The following EXT1 variants were observed in gnomAD, a reference collection of about 807,000 sequenced individuals.
EXT1 encodes exostosin glycosyltransferase 1, also known as exostosin-1.
In EXT1, 20 loss-of-function variants were observed where a neutral mutation model predicts 82.5. The ratio of observed to expected loss-of-function variants is 0.24; its 90% CI spans 0.17 to 0.35. The LOEUF is 0.35. EXT1 is among the 10% of genes least tolerant of loss of function. The pLI, the probability that EXT1 is intolerant of heterozygous loss-of-function variation, is 1.00. For synonymous variants in EXT1, 348 were observed against 350.8 expected (o/e 0.99, Z 0.09); for missense variants, 757 against 936.5 (o/e 0.81, Z 2.50).
At chr8:117,908,929 GC>G (rs1554585145) in intron 1 of EXT1, among the ~76,000 whole-genome samples, 1 of 151,892 alleles carries the variant, frequency 6.6e-6, no homozygotes, top group Non-Finnish European at 1.5e-5. Flanking sequence ...TTCAAAACCA[GC>G]CTGGGCAACA....
Position 117,802,608 on chromosome 8 carries a change from A to C in EXT1, c.2055+2114T>G, listed in dbSNP as rs139469394. Among the ~76,000 whole-genome samples the C allele has an allele frequency of 3.2e-4, 48 of 152,340 alleles. No homozygotes were observed. In the East Asian group the frequency reaches 8.1e-3, roughly 26 times the overall value. On this transcript the variant is annotated intron_variant, in intron 10 of 10. Coordinates refer to ENST00000378204, the MANE Select transcript of EXT1 (RefSeq NM_000127.3). ...TAGGGCTGTGTAAGTACACTTGATA[A>C]TGTTTGGATAATGACAAGATCACCA... is the stretch of plus-strand genomic sequence containing the variant.
chr8:117,906,108 G>A (rs1051762234), intron 1 of EXT1, among the ~76,000 whole-genome samples: 3 of 152,136 alleles, frequency 2.0e-5, no homozygotes, highest in Non-Finnish European at 4.4e-5. Context: ...TCTTGGCTTG[G>A]TATTCTATCC....
rs527775533 is a variant in EXT1 at position 118,070,831 on chromosome 8, G to A, written c.962+39254C>T. Among the ~76,000 whole-genome samples the A allele has an allele frequency of 3.7e-4, 57 of 152,236 alleles. 1 individual carries two copies. Among genetic ancestry groups the A allele is most frequent in the South Asian group, 2.3e-3 (11 of 4,820 alleles). On this transcript the variant is annotated intron_variant, in intron 1 of 10. Coordinates refer to ENST00000378204, the MANE Select transcript of EXT1 (RefSeq NM_000127.3). ...GTAACTGTTCCCTCCATCCTGGCTA[G>A]AAAAGGGATCTCAAGAGGTATGAGC...
intron 9 of EXT1, among the ~76,000 whole-genome samples, chr8:117,805,964 T>C (rs1367380593): frequency 6.6e-6 from 1 of 152,224 alleles, no homozygotes; most frequent in African/African-American, 2.4e-5. Flanking sequence ...TTTTCCCTCA[T>C]ACTTGTTCCA....
chr8:118,003,110 A>G (rs1308999024), intron 1 of EXT1, among the ~76,000 whole-genome samples: 2 of 152,224 alleles, frequency 1.3e-5, no homozygotes, highest in Non-Finnish European at 1.5e-5. Flanking sequence ...AGGAACCTGG[A>G]TGAAATTGGA....
intron 1 of EXT1, among the ~76,000 whole-genome samples, chr8:117,910,607 G>C (rs1318852327): frequency 1.3e-5 from 2 of 152,182 alleles, no homozygotes; most frequent in African/African-American, 2.4e-5. Context: ...GAGTCAACTG[G>C]GAAAAGGGAA....
At chr8:118,089,301 T>G (rs980833004) in intron 1 of EXT1, among the ~76,000 whole-genome samples, 2 of 152,062 alleles carry the variant, frequency 1.3e-5, no homozygotes, top group Non-Finnish European at 2.9e-5. Context: ...TAATCAAGAG[T>G]GAAATGCCAA....
chr8:118,055,327 T>C (rs1816778579), intron 1 of EXT1, among the ~76,000 whole-genome samples: 1 of 152,234 alleles, frequency 6.6e-6, no homozygotes, highest in Admixed American at 6.5e-5. Flanking sequence ...TGTTCTCTTT[T>C]ATTGCTGAAT....
chr8:117,895,953 C>G (rs7842361), intron 1 of EXT1, among the ~76,000 whole-genome samples: 1 of 152,152 alleles, frequency 6.6e-6, no homozygotes, highest in African/African-American at 2.4e-5. Flanking sequence ...CATTGGCCTA[C>G]CTGATTTACA....
chr8:118,108,425 A>AT (rs1235501886), intron 1 of EXT1, among the ~76,000 whole-genome samples: 4 of 152,164 alleles, frequency 2.6e-5, no homozygotes, highest in African/African-American at 7.2e-5. Context: ...GGCTATAAGC[A>AT]TTTTTTTCTT....
Position 118,005,193 on chromosome 8 carries a change from CT to C in EXT1, c.962+104891del, listed in dbSNP as rs1430032245. ...GCCCAGCCTCAGAGACCATCACATG[CT>C]TAATGATGCTTCTCATGACTGACAG... On this transcript the variant is annotated intron_variant, in intron 1 of 10. Transcript: ENST00000378204. 1.9e-4 allele frequency among the ~76,000 whole-genome samples: 29 copies of C among 152,200 alleles called. 1 individual carries two copies. The highest frequency in any genetic ancestry group is 1.2e-4 in the Non-Finnish European group (8 of 68,042).
intron 1 of EXT1, among the ~76,000 whole-genome samples, chr8:117,934,799 G>A (rs907018838): frequency 9.2e-5 from 14 of 152,108 alleles, no homozygotes; most frequent in African/African-American, 1.4e-4. Context: ...TTTTATGTAC[G>A]TATTTTTTTT....
At chr8:117,957,092 T>C (rs570248792) in intron 1 of EXT1, among the ~76,000 whole-genome samples, 1 of 152,214 alleles carries the variant, frequency 6.6e-6, no homozygotes, top group Non-Finnish European at 1.5e-5. Flanking sequence ...CTCTTTGCTT[T>C]GTGTCTTGGC....
At chr8:117,980,617 A>G (rs1247228258) in intron 1 of EXT1, among the ~76,000 whole-genome samples, 2 of 149,850 alleles carry the variant, frequency 1.3e-5, no homozygotes, top group Non-Finnish European at 3.0e-5. Flanking sequence ...TCTCATTACC[A>G]TCTGGGTTCT....
intron 1 of EXT1, among the ~76,000 whole-genome samples, chr8:117,906,016 G>A (rs1312111684): frequency 6.6e-6 from 1 of 152,100 alleles, no homozygotes; most frequent in Non-Finnish European, 1.5e-5. Context: ...TCTTTAAAAA[G>A]GCTACACTTC....
intron 1 of EXT1, among the ~76,000 whole-genome samples, chr8:118,022,538 A>G (rs974924437): frequency 4.0e-5 from 6 of 151,112 alleles, no homozygotes; most frequent in Non-Finnish European, 7.4e-5. Flanking sequence ...GGGTTTCACC[A>G]TGTTGGTCAG....
chr8:118,061,694 T>C (rs779239829), intron 1 of EXT1, among the ~76,000 whole-genome samples: 32 of 152,200 alleles, frequency 2.1e-4, no homozygotes, highest in Non-Finnish European at 4.1e-4. Context: ...CAGCAAGTCA[T>C]CTGAAAGGGG....
Position 117,939,890 on chromosome 8 carries a change from A to T in EXT1, c.963-102689T>A, listed in dbSNP as rs75743040. Among the ~76,000 whole-genome samples, 1,429 of 152,314 alleles carry T rather than the reference A, an allele frequency of 9.4e-3. 25 individuals carry two copies. Among genetic ancestry groups the T allele is most frequent in the African/African-American group, 0.033 (1,358 of 41,562 alleles). On this transcript the variant is annotated intron_variant, in intron 1 of 10. Coordinates refer to ENST00000378204, the MANE Select transcript of EXT1 (RefSeq NM_000127.3). ...AGCACACAATAAATAGAAAAGAAGA[A>T]ACAGAAGATTGTTGAGAAAATGAAT...
rs1823131539 is a variant in EXT1, at chr8:117,799,529, G to T, written c.*183C>A. The T allele has an allele frequency of 3.1e-6, 2 of 654,372 alleles. No individual in the cohort carries two copies. The highest frequency in any genetic ancestry group is 3.8e-5 in the South Asian group (2 of 52,484). The allele number at this position is 654,372 out of a possible 1,614,324, so 40.5% of individuals were successfully genotyped here. ...AGTGAGGTGAGTTTGGAGCAGTCTG[G>T]TGCAGTCCCAGGAGCCAGGAGTTGA... On this transcript the variant is annotated 3_prime_UTR_variant, in exon 11 of 11. Transcript: ENST00000378204.
Sources: gnomAD v4.1 joint callset for allele counts (sites outside exome capture counted in the v4.1 genomes callset) on GRCh38, gnomAD v4.1.1 for gene constraint, MANE v1.5 for transcripts, NCBI Gene and HGNC (gene_info 2026-07-23, HGNC 2026-07-21) for gene names.